The following TASP1 variants were observed in gnomAD, a reference collection of about 807,000 sequenced individuals.
TASP1 encodes threonine aspartase 1.
TASP1 carries 16 observed loss-of-function variants against 56.6 expected under a neutral mutation model. That is an observed-to-expected ratio of 0.28 (90% confidence interval 0.19 to 0.43). TASP1 has a LOEUF of 0.43. TASP1 is among the 20% of genes least tolerant of loss of function. The pLI is 1.00. For synonymous variants in TASP1, 179 were observed against 184.2 expected (o/e 0.97, Z 0.23); for missense variants, 393 against 511.6 (o/e 0.77, Z 2.24).
chr20:13,431,886 T>C (rs1279071196), intron 12 of TASP1, among the ~76,000 whole-genome samples: 1 of 152,188 alleles, frequency 6.6e-6, no homozygotes, highest in Admixed American at 6.5e-5. Context: ...GTGACATCAG[T>C]GTGCCCCTAT....
chr20:13,453,762 G>A (rs768246719), intron 11 of TASP1, among the ~76,000 whole-genome samples: 6 of 152,032 alleles, frequency 3.9e-5, no homozygotes, highest in South Asian at 2.1e-4. Flanking sequence ...TCACAGGAAG[G>A]TTACATTCTG....
At chr20:13,389,296 A>C (rs1471758066), downstream of TASP1, 1 of 152,222 alleles carries the variant, frequency 6.6e-6, no homozygotes, top group Non-Finnish European at 1.5e-5. Context: ...TAACTGCGTA[A>C]CACTGGCCTT....
At chr20:13,609,405 C>T (rs2048269677) in intron 4 of TASP1, among the ~76,000 whole-genome samples, 1 of 152,212 alleles carries the variant, frequency 6.6e-6, no homozygotes, top group East Asian at 1.9e-4. Flanking sequence ...AAACACAGGC[C>T]AAGCGCGGTG....
the TASP1 span, among the ~76,000 whole-genome samples, chr20:13,330,269 AT>A: frequency 6.6e-5 from 10 of 151,970 alleles, no homozygotes; most frequent in East Asian, 1.9e-3. Flanking sequence ...TTGTCAAATT[AT>A]TTTTCTGTAT....
chr20:13,610,047 A>G (rs1297865324), intron 4 of TASP1, among the ~76,000 whole-genome samples: 2 of 152,238 alleles, frequency 1.3e-5, no homozygotes, highest in African/African-American at 4.8e-5. Flanking sequence ...CTATCAATAT[A>G]AAATATCCAG....
chr20:13,341,876 A>G, the TASP1 span, among the ~76,000 whole-genome samples: 4 of 152,328 alleles, frequency 2.6e-5, no homozygotes, highest in East Asian at 7.7e-4. Flanking sequence ...GATGGCTATC[A>G]GTGCTGCAGG....
At chr20:13,415,721 T>C (rs2042233113) in intron 13 of TASP1, among the ~76,000 whole-genome samples, 1 of 152,154 alleles carries the variant, frequency 6.6e-6, no homozygotes, top group African/African-American at 2.4e-5. Context: ...TATTTCACAT[T>C]AAATAGTAAG....
At chr20:13,373,980 T>C in the TASP1 span, among the ~76,000 whole-genome samples, 2 of 152,166 alleles carry the variant, frequency 1.3e-5, no homozygotes, top group South Asian at 4.1e-4. Flanking sequence ...TATCAGTCTA[T>C]CAAATTTGCT....
chr20:13,251,997 T>C, the TASP1 span, among the ~76,000 whole-genome samples: 2 of 152,116 alleles, frequency 1.3e-5, no homozygotes, highest in Admixed American at 6.5e-5. Context: ...GGCTGAGGTA[T>C]AAATTTGCTG....
At chr20:13,178,463 C>G in the TASP1 span, among the ~76,000 whole-genome samples, 1 of 152,022 alleles carries the variant, frequency 6.6e-6, no homozygotes, top group Non-Finnish European at 1.5e-5. Flanking sequence ...ATGTTTATTT[C>G]AGCACTACTC....
chr20:13,507,239 T>C (rs994256202), intron 10 of TASP1, among the ~76,000 whole-genome samples: 11 of 152,072 alleles, frequency 7.2e-5, no homozygotes, highest in Non-Finnish European at 7.4e-5. Context: ...CACTCAAAAC[T>C]ATAAAACATT....
At chr20:13,256,645 G>C in the TASP1 span, among the ~76,000 whole-genome samples, 2 of 152,174 alleles carry the variant, frequency 1.3e-5, no homozygotes, top group African/African-American at 4.8e-5. Context: ...GGCAATGGTG[G>C]TGTTGGTCCT....
chr20:13,138,719 A>G, the TASP1 span, among the ~76,000 whole-genome samples: 4 of 152,314 alleles, frequency 2.6e-5, no homozygotes, highest in African/African-American at 7.2e-5. Context: ...GGGTGCATGC[A>G]TAGGTCAAAC....
intron 11 of TASP1, among the ~76,000 whole-genome samples, chr20:13,463,308 T>A (rs1441487769): frequency 6.6e-6 from 1 of 152,164 alleles, no homozygotes; most frequent in Admixed American, 6.5e-5. Flanking sequence ...AAAGTGGATA[T>A]CCACATGCAA....
At chr20:13,162,507 A>G in the TASP1 span, among the ~76,000 whole-genome samples, 2 of 152,198 alleles carry the variant, frequency 1.3e-5, no homozygotes, top group African/African-American at 2.4e-5. Flanking sequence ...GAGAAAATGG[A>G]AAATGACCCT....
At chr20:13,226,792 T>C in the TASP1 span, among the ~76,000 whole-genome samples, 1 of 152,202 alleles carries the variant, frequency 6.6e-6, no homozygotes. Flanking sequence ...GACCTATTGA[T>C]GAGTTTGCAC....
chr20:13,437,853 T>A (rs2043063927), intron 11 of TASP1, among the ~76,000 whole-genome samples: 3 of 152,082 alleles, frequency 2.0e-5, no homozygotes, highest in Admixed American at 1.3e-4. Flanking sequence ...CTCAATGACA[T>A]AAAAGAGGAT....
At chr20:13,578,896 T>C (rs2047020184) in intron 6 of TASP1, among the ~76,000 whole-genome samples, 2 of 152,232 alleles carry the variant, frequency 1.3e-5, no homozygotes, top group Non-Finnish European at 1.5e-5. Context: ...AACTCTTTCA[T>C]CTGTTTTACA....
the TASP1 span, among the ~76,000 whole-genome samples, chr20:13,246,598 A>G: frequency 2.0e-5 from 3 of 151,666 alleles, no homozygotes; most frequent in East Asian, 5.8e-4. Flanking sequence ...GGCAGAGCAG[A>G]TACGTGTTTT....
Sources: gnomAD v4.1 joint callset for allele counts (sites outside exome capture counted in the v4.1 genomes callset) on GRCh38, gnomAD v4.1.1 for gene constraint, MANE v1.5 for transcripts, NCBI Gene and HGNC (gene_info 2026-07-23, HGNC 2026-07-21) for gene names.